CCDC192: variants seen among roughly 807,000 people sequenced by gnomAD.
CCDC192 encodes coiled-coil domain containing 192, also known as coiled-coil domain-containing protein 192.
intron 6 of CCDC192, among the ~76,000 whole-genome samples, chr5:127,932,127 C>G (rs1213547606): frequency 6.9e-6 from 1 of 145,862 alleles, no homozygotes; most frequent in Non-Finnish European, 1.5e-5. Flanking sequence ...GCGCTCCAGC[C>G]TGGGCAACAG....
intron 5 of CCDC192, among the ~76,000 whole-genome samples, chr5:127,805,542 G>T (rs1405554445): frequency 6.6e-6 from 1 of 152,140 alleles, no homozygotes; most frequent in Non-Finnish European, 1.5e-5. Context: ...AGACCACATG[G>T]CAGAGTTAAT....
intron 6 of CCDC192, chr5:127,935,477 A>G (rs1454296090): frequency 2.0e-5 from 3 of 152,052 alleles, no homozygotes; most frequent in Non-Finnish European, 4.4e-5. Context: ...ATCTAAAAGA[A>G]CTCTTCCTCC....
At chr5:127,829,172 G>A (rs750223010) in intron 5 of CCDC192, among the ~76,000 whole-genome samples, 7 of 152,170 alleles carry the variant, frequency 4.6e-5, no homozygotes, top group Non-Finnish European at 1.0e-4. Context: ...AGTCTGTTGA[G>A]GAGCAGGCTG....
At chr5:127,893,007 A>C (rs773967774) in intron 6 of CCDC192, among the ~76,000 whole-genome samples, 1 of 152,198 alleles carries the variant, frequency 6.6e-6, no homozygotes, top group Non-Finnish European at 1.5e-5. Flanking sequence ...AGGATCGGAG[A>C]TATCTGAAAA....
chr5:127,747,368 G>C (rs1443711081), intron 2 of CCDC192, among the ~76,000 whole-genome samples: 3 of 151,072 alleles, frequency 2.0e-5, no homozygotes, highest in Admixed American at 6.6e-5. Context: ...TTGGTTTTTT[G>C]TCCTTGTGAT....
chr5:127,939,279 G>A (rs1337678694), intron 6 of CCDC192, among the ~76,000 whole-genome samples: 1 of 151,540 alleles, frequency 6.6e-6, no homozygotes, highest in African/African-American at 2.4e-5. Flanking sequence ...CACCACACCT[G>A]GCTAATATTT....
chr5:127,843,318 G>C (rs535592881), intron 5 of CCDC192, among the ~76,000 whole-genome samples: 1 of 151,768 alleles, frequency 6.6e-6, no homozygotes, highest in African/African-American at 2.4e-5. Context: ...GATTACAGGC[G>C]TGAGCCATCG....
At chr5:127,769,819 G>A (rs759135114) in intron 3 of CCDC192, among the ~76,000 whole-genome samples, 13 of 152,190 alleles carry the variant, frequency 8.5e-5, no homozygotes, top group African/African-American at 2.7e-4. Flanking sequence ...TAACGTAGTC[G>A]AGGGCAGAAG....
intron 3 of CCDC192, among the ~76,000 whole-genome samples, chr5:127,777,445 G>T (rs1755935452): frequency 6.6e-6 from 1 of 152,202 alleles, no homozygotes; most frequent in Non-Finnish European, 1.5e-5. Flanking sequence ...AGGCTCATAG[G>T]CAAGAGAGAC....
chr5:127,912,184 C>A (rs1753384754), intron 6 of CCDC192, among the ~76,000 whole-genome samples: 1 of 151,494 alleles, frequency 6.6e-6, no homozygotes, highest in South Asian at 2.1e-4. Flanking sequence ...CCCATCTCAG[C>A]CTCCTAAAGT....
At chr5:127,891,811 G>C (rs1170892043) in intron 6 of CCDC192, among the ~76,000 whole-genome samples, 1 of 152,038 alleles carries the variant, frequency 6.6e-6, no homozygotes, top group Non-Finnish European at 1.5e-5. Flanking sequence ...CCACATTCTG[G>C]TTCTTTCTAC....
intron 2 of CCDC192, among the ~76,000 whole-genome samples, chr5:127,721,072 A>G (rs1255087268): frequency 6.6e-6 from 1 of 152,168 alleles, no homozygotes; most frequent in African/African-American, 2.4e-5. Flanking sequence ...TCCTCTTTAC[A>G]TATGCAAATT....
intron 5 of CCDC192, among the ~76,000 whole-genome samples, chr5:127,870,927 A>G (rs1751827992): frequency 1.3e-5 from 2 of 152,242 alleles, no homozygotes; most frequent in Admixed American, 1.3e-4. Flanking sequence ...TTCAAACCAA[A>G]TTCTCTTTTA....
chr5:127,784,758 G>T (rs934582978), intron 3 of CCDC192: 1 of 508,262 alleles, frequency 2.0e-6, no homozygotes, highest in South Asian at 1.6e-5. Context: ...TCAACTAACT[G>T]CTGGTGTTTC....
intron 5 of CCDC192, among the ~76,000 whole-genome samples, chr5:127,817,944 T>C (rs1158931459): frequency 5.9e-5 from 9 of 152,212 alleles, no homozygotes; most frequent in African/African-American, 1.7e-4. Context: ...AGCTATGACA[T>C]TGTAGAAGTA....
intron 5 of CCDC192, among the ~76,000 whole-genome samples, chr5:127,828,547 T>C (rs1338358997): frequency 2.0e-5 from 3 of 152,208 alleles, no homozygotes; most frequent in Non-Finnish European, 4.4e-5. Context: ...TGATTGCCTG[T>C]GTCTCTTCTG....
intron 6 of CCDC192, among the ~76,000 whole-genome samples, chr5:127,933,366 G>A (rs2041143): frequency 0.64 from 97,462 of 152,038 alleles, 32,350 homozygotes; most frequent in East Asian, 0.92. Flanking sequence ...AAGCTATTGC[G>A]ATACTTAAAT....
intron 5 of CCDC192, among the ~76,000 whole-genome samples, chr5:127,824,583 T>A (rs916157461): frequency 3.3e-5 from 5 of 152,236 alleles, no homozygotes; most frequent in Admixed American, 1.3e-4. Flanking sequence ...GCATGGAATT[T>A]CACAGACCCA....
At chr5:127,830,109 G>A (rs542729276) in intron 5 of CCDC192, among the ~76,000 whole-genome samples, 1 of 152,114 alleles carries the variant, frequency 6.6e-6, no homozygotes, top group African/African-American at 2.4e-5. Context: ...ATAGCAAAGG[G>A]GGAAAAACAG....
Sources: gnomAD v4.1 joint callset for allele counts (sites outside exome capture counted in the v4.1 genomes callset) on GRCh38, gnomAD v4.1.1 for gene constraint, MANE v1.5 for transcripts, NCBI Gene and HGNC (gene_info 2026-07-23, HGNC 2026-07-21) for gene names.